Variants in GRIN2A observed in about 807,000 individuals in gnomAD.
GRIN2A encodes glutamate receptor ionotropic, NMDA 2A.
GRIN2A carries 22 observed loss-of-function variants against 113.4 expected under a neutral mutation model. The ratio of observed to expected loss-of-function variants is 0.19; its 90% CI spans 0.14 to 0.28. GRIN2A has a LOEUF of 0.28. GRIN2A is among the 10% of genes least tolerant of loss of function. The pLI is 1.00. For missense variants in GRIN2A, 1,502 were observed against 1,887.0 expected (o/e 0.80, Z 3.78); for synonymous variants, 827 against 738.4 (o/e 1.12, Z -1.94).
intron 2 of GRIN2A, among the ~76,000 whole-genome samples, chr16:10,070,734 G>A (rs1444671389): frequency 1.3e-5 from 2 of 152,030 alleles, no homozygotes; most frequent in African/African-American, 4.8e-5. Flanking sequence ...GCCTTTTTCA[G>A]GTTTTGCAAA....
rs114658069 is a variant in GRIN2A at position 9,970,419 on chromosome 16, C to A, written c.415-31868G>T. On this transcript the variant is annotated intron_variant, in intron 2 of 12. Coordinates refer to ENST00000330684, the MANE Select transcript of GRIN2A (RefSeq NM_001134407.3). ...AGACCAATGCAGGAAAATCCTGAAA[C>A]CTTTTCATCTTATTAAGCTCAGTTT... Among the ~76,000 whole-genome samples, 1,179 of 152,252 alleles carry A rather than the reference C, an allele frequency of 7.7e-3. 18 individuals carry two copies. The highest frequency in any genetic ancestry group is 0.027 in the African/African-American group (1,140 of 41,548).
Position 9,764,128 on chromosome 16 carries a change from A to G in GRIN2A, c.3416T>C (p.Val1139Ala), listed in dbSNP as rs1265897228. ...HLDPPQFVEN[V>A]TLPENVDFPD... ...GAAGTCCACGTTCTCGGGCAGGGTC[A>G]CATTTTCAACAAACTGGGGTGGATC... Residue 1139 changes from valine to alanine, a missense_variant, in exon 13 of 13, where the codon GTG becomes GCG. Physicochemically the swap from Val to Ala is moderately conservative, Grantham distance 64. Around this residue, in one of 7 missense-constraint regions of GRIN2A, gnomAD observed 832 missense variants for 789.7 expected, o/e 1.05. Transcript: ENST00000330684. 1 of 1,613,734 alleles carries G rather than the reference A, an allele frequency of 6.2e-7. No individual in the cohort carries two copies. Among genetic ancestry groups the G allele is most frequent in the Non-Finnish European group, 8.5e-7 (1 of 1,179,682 alleles).
chr16:10,100,125 C>G (rs1399611717), intron 2 of GRIN2A, among the ~76,000 whole-genome samples: 1 of 152,184 alleles, frequency 6.6e-6, no homozygotes, highest in Non-Finnish European at 1.5e-5. Flanking sequence ...GCCAATATTA[C>G]TTTTGCAAGG....
intron 2 of GRIN2A, among the ~76,000 whole-genome samples, chr16:9,985,633 A>G (rs2141794209): frequency 6.6e-6 from 1 of 152,266 alleles, no homozygotes; most frequent in Non-Finnish European, 1.5e-5. Flanking sequence ...GAGAGCTAAA[A>G]AAAAAAAAAT....
rs143441430 is a variant in GRIN2A, at chr16:9,894,836, T to C, written c.1008-3736A>G. On this transcript the variant is annotated intron_variant, in intron 3 of 12. Transcript: ENST00000330684. ...ACCCATCCATACATTCATCCATCTA[T>C]ATATCTACCCTTCCAAACATCTGTC... 2.6e-3 allele frequency among the ~76,000 whole-genome samples: 398 copies of C among 152,328 alleles called. 3 individuals are homozygous for C. Among genetic ancestry groups the C allele is most frequent in the Non-Finnish European group, 3.6e-3 (244 of 68,018 alleles).
rs1430874221 is a variant in GRIN2A at position 9,759,199 on chromosome 16, A to G, written c.*3950T>C. ...TAGGTCTTAAACCGCAAGGGATTTC[A>G]GTACAAGGTACTTATTTATATGACA... is the stretch of plus-strand genomic sequence containing the variant. On this transcript the variant is annotated 3_prime_UTR_variant, in exon 13 of 13. Coordinates refer to ENST00000330684, the MANE Select transcript of GRIN2A (RefSeq NM_001134407.3). The G allele has an allele frequency of 4.6e-6, 1 of 218,132 alleles. No homozygotes were observed. Among genetic ancestry groups the G allele is most frequent in the African/African-American group, 2.2e-5 (1 of 44,548 alleles). 13.5% of individuals were successfully genotyped at this position (218,132 alleles called of 1,614,324 possible).
intron 2 of GRIN2A, among the ~76,000 whole-genome samples, chr16:10,142,135 A>G (rs1070487): frequency 0.58 from 87,415 of 151,980 alleles, 26,060 homozygotes; most frequent in East Asian, 0.91. Flanking sequence ...ATTCCAGGGT[A>G]CAAAAGAGCA....
In GRIN2A at chr16:9,760,459, G is replaced by C; in HGVS notation, c.*2690C>G. The C allele has an allele frequency of 6.9e-6, 1 of 145,820 alleles. No homozygotes were observed. The highest frequency in any genetic ancestry group is 3.1e-5 in the African/African-American group (1 of 32,722). The allele number at this position is 145,820 out of a possible 1,614,324, so 9.0% of individuals were successfully genotyped here. Reference sequence around the variant, plus strand: ...GTAGAGAAGGGATACCATAAACTTTGTGTAGCATAACATTTCTGATTATTT... The same window carrying C: ...GTAGAGAAGGGATACCATAAACTTTCTGTAGCATAACATTTCTGATTATTT... On this transcript the variant is annotated 3_prime_UTR_variant, in exon 13 of 13. Transcript: ENST00000330684.
At chr16:10,060,070 G>GA (rs375816275) in intron 2 of GRIN2A, among the ~76,000 whole-genome samples, 17 of 152,278 alleles carry the variant, frequency 1.1e-4, no homozygotes, top group African/African-American at 4.1e-4. Context: ...TGGGACCCTG[G>GA]AGGCTGCCCA....
At chr16:9,853,397 T>C (rs1005342732) in intron 4 of GRIN2A, among the ~76,000 whole-genome samples, 1 of 152,162 alleles carries the variant, frequency 6.6e-6, no homozygotes, top group Non-Finnish European at 1.5e-5. Flanking sequence ...TTAGTGCTTT[T>C]ATGAAAGAGG....
intron 5 of GRIN2A, among the ~76,000 whole-genome samples, chr16:9,848,175 C>A (rs1020994882): frequency 3.4e-5 from 5 of 148,482 alleles, no homozygotes; most frequent in Non-Finnish European, 7.4e-5. Flanking sequence ...TTATATATCT[C>A]AATATATAAA....
In GRIN2A at chr16:9,768,878, C is replaced by A. The variant is rs1035106071; in HGVS notation, c.2568G>T (p.Arg856=). Residue 856 remains arginine, a synonymous_variant, in exon 12 of 13, where the codon CGG becomes CGT. Transcript: ENST00000330684. ...RFCFTGVCSD[R]PGLLFSISRG... is the part of the protein sequence containing the mutation. Reference sequence around the variant, plus strand: ...TGCTGATGGAGAAGAGCAACCCAGGCCGGTCGGAGCACACGCCCGTGAAAC... The same window carrying A: ...TGCTGATGGAGAAGAGCAACCCAGGACGGTCGGAGCACACGCCCGTGAAAC... The A allele has an allele frequency of 1.2e-5, 19 of 1,613,924 alleles. 1 individual carries two copies. Among genetic ancestry groups the A allele is most frequent in the Middle Eastern group, 1.6e-4 (1 of 6,084 alleles).
Position 9,760,062 on chromosome 16 carries a change from T to G in GRIN2A, c.*3087A>C. ...AAAACCAATTAGAATTAACAAAATA[T>G]CATTATGGATGCCAGCTCTGACTTA... On this transcript the variant is annotated 3_prime_UTR_variant, in exon 13 of 13. Coordinates refer to ENST00000330684, the MANE Select transcript of GRIN2A (RefSeq NM_001134407.3). The G allele has an allele frequency of 4.4e-6, 1 of 228,684 alleles. No individual in the cohort carries two copies. The highest frequency in any genetic ancestry group is 8.7e-6 in the Non-Finnish European group (1 of 115,210). 14.2% of individuals were successfully genotyped at this position (228,684 alleles called of 1,614,324 possible).
intron 3 of GRIN2A, among the ~76,000 whole-genome samples, chr16:9,901,865 A>T (rs550770269): frequency 1.3e-5 from 2 of 152,196 alleles, no homozygotes; most frequent in African/African-American, 4.8e-5. Context: ...AAATCAGGAG[A>T]CCTAGAATCT....
At chr16:10,100,404 G>A (rs1436820842) in intron 2 of GRIN2A, among the ~76,000 whole-genome samples, 16 of 152,168 alleles carry the variant, frequency 1.1e-4, no homozygotes, top group Admixed American at 6.5e-4. Context: ...GTTGAGTGTT[G>A]GATCACAGAG....
chr16:9,857,344 C>T (rs555582612), intron 4 of GRIN2A, among the ~76,000 whole-genome samples: 8 of 152,296 alleles, frequency 5.3e-5, no homozygotes, highest in Non-Finnish European at 5.9e-5. Context: ...ATATACCATA[C>T]TAATGTCAGG....
intron 2 of GRIN2A, among the ~76,000 whole-genome samples, chr16:10,024,687 G>A (rs1341953716): frequency 1.3e-5 from 2 of 152,182 alleles, no homozygotes; most frequent in African/African-American, 2.4e-5. Context: ...TGGATTTAGT[G>A]TAGTGTCAAG....
chr16:10,169,797 G>A (rs963297718), intron 2 of GRIN2A, among the ~76,000 whole-genome samples: 2 of 152,146 alleles, frequency 1.3e-5, no homozygotes, highest in African/African-American at 2.4e-5. Context: ...AACAGAAGAG[G>A]TATAATGGAG....
chr16:10,060,658 T>G (rs1254976634), intron 2 of GRIN2A, among the ~76,000 whole-genome samples: 2 of 152,238 alleles, frequency 1.3e-5, no homozygotes, highest in East Asian at 3.8e-4. Flanking sequence ...ATCTTCATTA[T>G]CATCATCTTT....
Sources: gnomAD v4.1 joint callset for allele counts (sites outside exome capture counted in the v4.1 genomes callset) on GRCh38, gnomAD v4.1.1 for gene constraint, gnomAD v4.1.1 regional missense constraint, MANE v1.5 for transcripts, NCBI Gene and HGNC (gene_info 2026-07-23, HGNC 2026-07-21) for gene names.